Variants in PAPPA observed in about 807,000 individuals in gnomAD.
PAPPA encodes pappalysin-1.
A neutral mutation model predicts 164.0 loss-of-function variants in PAPPA; 60 were observed. That is an observed-to-expected ratio of 0.37 (90% confidence interval 0.30 to 0.45). The LOEUF is 0.45. Among genes scored for constraint, PAPPA ranks in the 20% least tolerant of loss-of-function variants. The pLI is 1.00. For missense variants in PAPPA, 1,782 were observed against 2,087.3 expected, an observed-to-expected ratio of 0.85 and a Z score of 2.85; for synonymous variants, 875 against 814.1, an observed-to-expected ratio of 1.07 and a Z score of -1.27.
At chr9:116,174,596 G>T (rs1442334190) in intron 1 of PAPPA, among the ~76,000 whole-genome samples, 1 of 152,146 alleles carries the variant, frequency 6.6e-6, no homozygotes, top group Non-Finnish European at 1.5e-5. Flanking sequence ...AAACAAGGCT[G>T]ATGACTCACC....
intron 9 of PAPPA, among the ~76,000 whole-genome samples, chr9:116,281,215 G>T (rs1041730399): frequency 6.6e-6 from 1 of 152,136 alleles, no homozygotes; most frequent in Non-Finnish European, 1.5e-5. Flanking sequence ...ATCCAAGGGG[G>T]TCCAGAGACC....
chr9:116,231,075 G>GTATATATA (rs3838263), intron 6 of PAPPA, among the ~76,000 whole-genome samples: 4,644 of 150,706 alleles, frequency 0.031, 103 homozygotes, highest in Admixed American at 0.054. Context: ...CAGCTGCAGT[G>GTATATATA]TATATATATA....
At chr9:116,355,302 G>T (rs1374417403) in intron 17 of PAPPA, among the ~76,000 whole-genome samples, 1 of 152,226 alleles carries the variant, frequency 6.6e-6, no homozygotes, top group Non-Finnish European at 1.5e-5. Context: ...TCAAAGGCAG[G>T]TTCCTCCTTT....
intron 5 of PAPPA, among the ~76,000 whole-genome samples, chr9:116,225,806 TATCCATCCATCCATCCATCC>T (rs376275323): frequency 6.6e-6 from 1 of 151,420 alleles, no homozygotes; most frequent in South Asian, 2.1e-4. Context: ...AAGTGACTGG[TATCCATCCATCCATCCATCC>T]ATCCATCCAT....
Position 116,399,003 on chromosome 9 carries a change from C to A in PAPPA, c.*2387C>A. 4.4e-6 allele frequency: 1 copy of A among 225,408 alleles called. No individual in the cohort carries two copies. Among genetic ancestry groups the A allele is most frequent in the Non-Finnish European group, 8.9e-6 (1 of 112,542 alleles). The allele number at this position is 225,408 out of a possible 1,614,324, so 14.0% of individuals were successfully genotyped here. ...TAAGAAATGTAACAGTATCAACCCT[C>A]CCAGTTGCTTAATTATACCCATAGG... On this transcript the variant is annotated 3_prime_UTR_variant, in exon 22 of 22. Coordinates refer to ENST00000328252, the MANE Select transcript of PAPPA (RefSeq NM_002581.5).
intron 2 of PAPPA, among the ~76,000 whole-genome samples, chr9:116,202,741 A>G (rs1844185848): frequency 6.6e-6 from 1 of 152,084 alleles, no homozygotes; most frequent in Non-Finnish European, 1.5e-5. Flanking sequence ...TGGAGGAGGA[A>G]TTATGGTCAC....
At chr9:116,253,905 T>A (rs1302620715) in intron 7 of PAPPA, among the ~76,000 whole-genome samples, 1 of 152,176 alleles carries the variant, frequency 6.6e-6, no homozygotes, top group Non-Finnish European at 1.5e-5. Context: ...TTTGGTCTCT[T>A]TGCCTTCAGG....
intron 10 of PAPPA, 81 bp downstream of exon 10, chr9:116,303,031 G>C: frequency 8.3e-7 from 1 of 1,208,604 alleles, no homozygotes; most frequent in Non-Finnish European, 1.2e-6. Context: ...CACCTCTAAG[G>C]CAGTGTCATT....
At chr9:116,212,416 G>A (rs977112068) in intron 4 of PAPPA, among the ~76,000 whole-genome samples, 3 of 152,078 alleles carry the variant, frequency 2.0e-5, no homozygotes, top group South Asian at 2.1e-4. Flanking sequence ...CTTCCCTTTA[G>A]CATGGGATAC....
intron 1 of PAPPA, among the ~76,000 whole-genome samples, chr9:116,176,965 ACC>A (rs3037574): frequency 0.26 from 33,714 of 129,936 alleles, 4,078 homozygotes; most frequent in Non-Finnish European, 0.28. Context: ...GAGAGGAAAG[ACC>A]CCCCCCCCCA....
chr9:116,229,869 G>A (rs1844568404), intron 6 of PAPPA, among the ~76,000 whole-genome samples: 1 of 152,266 alleles, frequency 6.6e-6, no homozygotes, highest in South Asian at 2.1e-4. Flanking sequence ...AGAGGTACTT[G>A]GAAGGTAGAA....
chr9:116,385,354 G>T (rs1013307549), intron 21 of PAPPA, among the ~76,000 whole-genome samples: 1 of 152,042 alleles, frequency 6.6e-6, no homozygotes, highest in Non-Finnish European at 1.5e-5. Flanking sequence ...TGTAGAGAGA[G>T]AATCCATTTG....
chr9:116,343,254 G>A (rs1198790964), intron 13 of PAPPA, among the ~76,000 whole-genome samples: 1 of 152,144 alleles, frequency 6.6e-6, no homozygotes, highest in East Asian at 1.9e-4. Flanking sequence ...TAATACAAGG[G>A]GAATGATCAT....
chr9:116,381,679 AC>A (rs2118698919), intron 20 of PAPPA, among the ~76,000 whole-genome samples: 1 of 152,380 alleles, frequency 6.6e-6, no homozygotes, highest in Admixed American at 6.5e-5. Flanking sequence ...CATAGAGCCA[AC>A]TTAGATTTAA....
intron 16 of PAPPA, 106 bp downstream of exon 16, chr9:116,353,022 T>C (rs892706679): frequency 1.9e-5 from 15 of 803,620 alleles, no homozygotes; most frequent in Non-Finnish European, 3.0e-5. Context: ...AGGTAATGAC[T>C]GCCATTCATC....
At chr9:116,368,928 G>C (rs1846536382) in intron 19 of PAPPA, among the ~76,000 whole-genome samples, 1 of 152,082 alleles carries the variant, frequency 6.6e-6, no homozygotes, top group Admixed American at 6.5e-5. Flanking sequence ...GACCTGGCCA[G>C]ACCTCCTCCA....
chr9:116,154,784 G>C lies in PAPPA; in HGVS notation c.415+197G>C, dbSNP rs1358748117. On this transcript the variant is annotated intron_variant, in intron 1 of 21. Coordinates refer to ENST00000328252, the MANE Select transcript of PAPPA (RefSeq NM_002581.5). This position sits in a 1 kb window ranked among gnomAD's most constrained non-coding sequence, Gnocchi z 5.2. The stretch of plus-strand genomic sequence containing the variant: ...ATCGGTGGAATGGGCACACTCGGAA[G>C]GCGTAGCTGCTCCATCCCTGGGAGG... 6.6e-6 allele frequency among the ~76,000 whole-genome samples: 1 copy of C among 152,188 alleles called. No individual in the cohort carries two copies. Among genetic ancestry groups the C allele is most frequent in the East Asian group, 1.9e-4 (1 of 5,150 alleles).
chr9:116,369,638 T>C (rs1032561895), intron 19 of PAPPA, among the ~76,000 whole-genome samples: 5 of 152,130 alleles, frequency 3.3e-5, no homozygotes, highest in Admixed American at 1.3e-4. Flanking sequence ...ACCTTTTTCC[T>C]ACCCCCTGGG....
intron 2 of PAPPA, among the ~76,000 whole-genome samples, chr9:116,195,656 T>C (rs1844095272): frequency 6.6e-6 from 1 of 152,166 alleles, no homozygotes; most frequent in Non-Finnish European, 1.5e-5. Flanking sequence ...ACCTGGCACA[T>C]AGTGAAGTCT....
Sources: allele counts gnomAD v4.1 joint callset (sites outside exome capture counted in the v4.1 genomes callset), GRCh38; gene constraint gnomAD v4.1.1; non-coding constraint Gnocchi (gnomAD v3.1); transcripts MANE v1.5; gene names NCBI Gene and HGNC (gene_info 2026-07-23, HGNC 2026-07-21).